Variants in PALS2 observed in about 807,000 individuals in gnomAD.
PALS2 encodes the protein protein PALS2.
Under a neutral mutation model 61.6 loss-of-function variants are expected in PALS2, and 27 were observed. That is an observed-to-expected ratio of 0.44 (90% confidence interval 0.32 to 0.60). The LOEUF is 0.60. PALS2 is among the 20% of genes least tolerant of loss of function. PALS2 has a pLI of 0.05. For missense variants in PALS2, 554 were observed against 639.4 expected (o/e 0.87, Z 1.44); for synonymous variants, 236 against 218.6 (o/e 1.08, Z -0.70).
chr7:24,610,984 A>G (rs1430062641), intron 1 of PALS2, among the ~76,000 whole-genome samples: 2 of 152,104 alleles, frequency 1.3e-5, no homozygotes, highest in Admixed American at 6.6e-5. Context: ...CATATTTTCA[A>G]TGGAAATTCA....
chr7:24,653,947 T>A (rs147278398), intron 5 of PALS2, among the ~76,000 whole-genome samples: 1 of 152,126 alleles, frequency 6.6e-6, no homozygotes, highest in Non-Finnish European at 1.5e-5. Flanking sequence ...CCACTTACTA[T>A]TGGGGAAGTG....
chr7:24,606,716 T>G (rs910304199), intron 1 of PALS2, among the ~76,000 whole-genome samples: 1 of 152,156 alleles, frequency 6.6e-6, no homozygotes, highest in Admixed American at 6.6e-5. Context: ...GTTCTAGGAT[T>G]ATAGGAATGA....
At chr7:24,647,429 G>A (rs1364157208) in intron 3 of PALS2, among the ~76,000 whole-genome samples, 4 of 152,226 alleles carry the variant, frequency 2.6e-5, no homozygotes, top group East Asian at 1.9e-4. Context: ...GATTACAGGC[G>A]TGAGCCATCA....
chr7:24,691,887 G>A lies in PALS2; in HGVS notation c.*4273G>A, dbSNP rs1200189926. On this transcript the variant is annotated 3_prime_UTR_variant, in exon 12 of 12. Coordinates refer to ENST00000222644, the MANE Select transcript of PALS2 (RefSeq NM_001303037.2). ...GAGAAATTCATTCTTTTAAATAATG[G>A]GATTATTGTATATAGTACAAATGAA... 1 of 151,598 alleles carries A rather than the reference G, an allele frequency of 6.6e-6. No homozygotes were observed. Among genetic ancestry groups the A allele is most frequent in the African/African-American group, 2.4e-5 (1 of 41,258 alleles). The allele number at this position is 151,598 out of a possible 1,614,324, so 9.4% of individuals were successfully genotyped here.
intron 3 of PALS2, among the ~76,000 whole-genome samples, chr7:24,644,397 TAGCCTCC>T (rs1400519010): frequency 6.6e-6 from 1 of 152,176 alleles, no homozygotes; most frequent in Admixed American, 6.5e-5. Context: ...CTAAGGATAA[TAGCCTCC>T]AGCTCCATTC....
At chr7:24,575,710 G>A (rs879332803) in intron 1 of PALS2, among the ~76,000 whole-genome samples, 9 of 152,124 alleles carry the variant, frequency 5.9e-5, no homozygotes, top group Non-Finnish European at 1.0e-4. Context: ...AAATGGAGTA[G>A]CATCATATTA....
chr7:24,645,756 ATGTTTCTCCATT>A (rs2128074488), intron 3 of PALS2, among the ~76,000 whole-genome samples: 1 of 152,166 alleles, frequency 6.6e-6, no homozygotes, highest in East Asian at 1.9e-4. Flanking sequence ...TGAGCACGGG[ATGTTTCTCCATT>A]TGTTTGTGTC....
At chr7:24,676,457 G>A (rs143612741) in intron 9 of PALS2, among the ~76,000 whole-genome samples, 9,216 of 151,094 alleles carry the variant, frequency 0.061, 332 homozygotes, top group African/African-American at 0.092. Context: ...GCCCATGCCT[G>A]TGTCCTGAAT....
intron 1 of PALS2, among the ~76,000 whole-genome samples, chr7:24,605,391 A>C (rs1233613652): frequency 6.6e-6 from 1 of 152,228 alleles, no homozygotes; most frequent in Non-Finnish European, 1.5e-5. Flanking sequence ...ACATGGTTTC[A>C]TATGTACTAA....
At chr7:24,591,672 G>A (rs1355101131) in intron 1 of PALS2, among the ~76,000 whole-genome samples, 5 of 152,238 alleles carry the variant, frequency 3.3e-5, no homozygotes, top group African/African-American at 7.2e-5. Context: ...ATGCTGAGCC[G>A]TGTTGCTTCT....
At chr7:24,607,710 C>T (rs1279928823) in intron 1 of PALS2, among the ~76,000 whole-genome samples, 3 of 151,336 alleles carry the variant, frequency 2.0e-5, no homozygotes, top group Non-Finnish European at 4.4e-5. Context: ...TTTTTGGATG[C>T]TGATTGCCAC....
chr7:24,632,815 T>C (rs559402375), intron 2 of PALS2, among the ~76,000 whole-genome samples: 1 of 152,292 alleles, frequency 6.6e-6, no homozygotes, highest in East Asian at 1.9e-4. Flanking sequence ...CTTTTTTCCT[T>C]GTGTCTCTCA....
intron 2 of PALS2, among the ~76,000 whole-genome samples, chr7:24,628,715 G>A (rs900403907): frequency 6.6e-6 from 1 of 152,092 alleles, no homozygotes; most frequent in African/African-American, 2.4e-5. Flanking sequence ...CAAAAAGAGA[G>A]CCAAATCATG....
intron 9 of PALS2, 78 bp from the exon 10 acceptor site, chr7:24,679,053 A>T: frequency 7.6e-7 from 1 of 1,324,020 alleles, no homozygotes; most frequent in Non-Finnish European, 1.1e-6. Flanking sequence ...AAAAACGTTA[A>T]GCCACCCTAT....
At chr7:24,587,531 ATTTTTTT>A (rs11310808) in intron 1 of PALS2, among the ~76,000 whole-genome samples, 1 of 140,956 alleles carries the variant, frequency 7.1e-6, no homozygotes, top group African/African-American at 2.6e-5. Context: ...TGCCCAGCTA[ATTTTTTT>A]TTTTTTTTTT....
At chr7:24,595,555 T>TA in intron 1 of PALS2, among the ~76,000 whole-genome samples, 2 of 131,100 alleles carry the variant, frequency 1.5e-5, no homozygotes, top group South Asian at 4.5e-4. Context: ...TAAATATATA[T>TA]TAACTATATA....
At chr7:24,622,268 G>A (rs78169923) in intron 1 of PALS2, among the ~76,000 whole-genome samples, 8,793 of 151,974 alleles carry the variant, frequency 0.058, 288 homozygotes, top group African/African-American at 0.075. Context: ...GGGAATTGTT[G>A]CCATTTTAAT....
chr7:24,609,306 T>C (rs945704830), intron 1 of PALS2, among the ~76,000 whole-genome samples: 2 of 152,178 alleles, frequency 1.3e-5, no homozygotes, highest in African/African-American at 4.8e-5. Flanking sequence ...GGTCAGGCAC[T>C]GAGTAAGTGG....
In PALS2 at chr7:24,688,011, A is replaced by G. The variant is rs1450102712; in HGVS notation, c.*397A>G. 1 of 154,280 alleles carries G rather than the reference A, an allele frequency of 6.5e-6. No individual in the cohort carries two copies. The highest frequency in any genetic ancestry group is 2.4e-5 in the African/African-American group (1 of 41,508). 9.6% of individuals were successfully genotyped at this position (154,280 alleles called of 1,614,324 possible). A position where few individuals can be genotyped will look rare whatever the true frequency, so the allele number is the denominator to read the frequency against. ...CTTGAAATAGTTTTGTAAAGCTGTC[A>G]TTTAGTTCAGTATTCAAATAGTGAA... On this transcript the variant is annotated 3_prime_UTR_variant, in exon 12 of 12. Coordinates refer to ENST00000222644, the MANE Select transcript of PALS2 (RefSeq NM_001303037.2).
Sources: allele counts gnomAD v4.1 joint callset (sites outside exome capture counted in the v4.1 genomes callset), GRCh38; gene constraint gnomAD v4.1.1; transcripts MANE v1.5; gene names NCBI Gene and HGNC (gene_info 2026-07-23, HGNC 2026-07-21).